The following AKAIN1 variants were observed in gnomAD, a reference collection of about 807,000 sequenced individuals.
AKAIN1 encodes the protein A-kinase anchor protein inhibitor 1.
In AKAIN1, 3 loss-of-function variants were observed where a neutral mutation model predicts 3.7. The ratio of observed to expected loss-of-function variants is 0.82; its 90% CI spans 0.37 to 2.12. AKAIN1 has a LOEUF of 2.12. Among genes scored for constraint, AKAIN1 ranks in the 30% most tolerant of loss-of-function variants. AKAIN1 has a pLI of 0.06. For missense variants in AKAIN1, 82 were observed against 82.7 expected (o/e 0.99, Z 0.03); for synonymous variants, 31 against 30.8 (o/e 1.01, Z -0.02).
chr18:5,150,027 C>T (rs1445089867), intron 1 of AKAIN1, among the ~76,000 whole-genome samples: 1 of 152,200 alleles, frequency 6.6e-6, no homozygotes, highest in Non-Finnish European at 1.5e-5. Context: ...AAGGTTTATT[C>T]TGGCCCAATT....
rs78215085 is a variant in AKAIN1, at chr18:5,179,814, C to T, written c.16+17224G>A. On this transcript the variant is annotated intron_variant, in intron 1 of 1. Transcript: ENST00000434239. ...TCAGCTCTTTAATATGCTCCTTCCT[C>T]GAGGACATCTTTATTGTTGTTTAAA... Among the ~76,000 whole-genome samples the T allele has an allele frequency of 0.012, 1,853 of 152,188 alleles. 140 individuals are homozygous for T. In the East Asian group the frequency reaches 0.19, roughly 16 times the overall value.
In AKAIN1 at chr18:5,145,371, T is replaced by A. The variant is rs2071042562; in HGVS notation, c.*191A>T. 2.0e-6 allele frequency: 1 copy of A among 490,698 alleles called. No individual in the cohort carries two copies. The highest frequency in any genetic ancestry group is 3.5e-5 in the Admixed American group (1 of 28,584). 30.4% of individuals were successfully genotyped at this position (490,698 alleles called of 1,614,324 possible). ...CCCACTATGTCTCAGAGGCACTGCA[T>A]AAATATGAACAGAATCGTCTAATGC... On this transcript the variant is annotated 3_prime_UTR_variant, in exon 2 of 2. Transcript: ENST00000434239.
intron 1 of AKAIN1, among the ~76,000 whole-genome samples, chr18:5,152,420 A>C (rs2071085203): frequency 6.6e-6 from 1 of 152,098 alleles, no homozygotes; most frequent in South Asian, 2.1e-4. Context: ...CCAATCAACT[A>C]TCTCCAAACA....
At chr18:5,188,893 C>T (rs1410110216) in intron 1 of AKAIN1, among the ~76,000 whole-genome samples, 1 of 152,154 alleles carries the variant, frequency 6.6e-6, no homozygotes, top group East Asian at 1.9e-4. Context: ...TGGGTCTCCT[C>T]TCTCTTTTGT....
chr18:5,143,998 A>G lies in AKAIN1; in HGVS notation c.*1564T>C, dbSNP rs1290235499. On this transcript the variant is annotated 3_prime_UTR_variant, in exon 2 of 2. Transcript: ENST00000434239. ...GCAATTATATCACATCAGTTATATG[A>G]CTTTTGGTCGACTTAAACTCACTCT... 6.6e-6 allele frequency among the ~76,000 whole-genome samples: 1 copy of G among 152,182 alleles called. No homozygotes were observed. The highest frequency in any genetic ancestry group is 1.5e-5 in the Non-Finnish European group (1 of 68,034).
chr18:5,197,359 G>A, upstream of AKAIN1: 1 of 1,267,242 alleles, frequency 7.9e-7, no homozygotes, highest in South Asian at 2.5e-5. The surrounding 1 kb of genome is among the most constrained non-coding windows in gnomAD (Gnocchi z 6.9). Context: ...AGGGAGCAAA[G>A]CACTTCCACC....
At chr18:5,174,572 C>T (rs1668649616) in intron 1 of AKAIN1, among the ~76,000 whole-genome samples, 1 of 152,076 alleles carries the variant, frequency 6.6e-6, no homozygotes, top group Non-Finnish European at 1.5e-5. Context: ...AAAACCCTAT[C>T]CCTACTAAAA....
intron 1 of AKAIN1, among the ~76,000 whole-genome samples, chr18:5,185,507 A>C (rs1384795341): frequency 6.6e-6 from 1 of 152,186 alleles, no homozygotes. Context: ...CAAGCAAAAA[A>C]TAAACAACCC....
chr18:5,178,450 G>A (rs1003166687), intron 1 of AKAIN1, among the ~76,000 whole-genome samples: 2 of 152,066 alleles, frequency 1.3e-5, no homozygotes, highest in African/African-American at 4.8e-5. Flanking sequence ...TGACCAGAAA[G>A]GTGTGTTCTT....
intron 1 of AKAIN1, among the ~76,000 whole-genome samples, chr18:5,162,047 A>G (rs2071142493): frequency 1.3e-5 from 2 of 152,144 alleles, no homozygotes; most frequent in African/African-American, 4.8e-5. Context: ...GGATACTGAG[A>G]AGAGAAGGAT....
At chr18:5,176,341 G>A (rs1305545743) in intron 1 of AKAIN1, among the ~76,000 whole-genome samples, 1 of 152,136 alleles carries the variant, frequency 6.6e-6, no homozygotes, top group Non-Finnish European at 1.5e-5. Context: ...TCAGGAAGCT[G>A]AGGCAGGAGA....
At chr18:5,156,428 T>C (rs366207) in intron 1 of AKAIN1, among the ~76,000 whole-genome samples, 44,262 of 152,004 alleles carry the variant, frequency 0.29, 6,986 homozygotes, top group African/African-American at 0.4. Context: ...ATTTAGTCCC[T>C]GGAGGAAGTG....
At chr18:5,154,567 C>T (rs561906913) in intron 1 of AKAIN1, among the ~76,000 whole-genome samples, 1 of 152,144 alleles carries the variant, frequency 6.6e-6, no homozygotes, top group East Asian at 1.9e-4. Context: ...TCCTAAGCCT[C>T]CCCCAACCAA....
At chr18:5,196,972 T>G (rs1238314283) in intron 1 of AKAIN1, 66 bp downstream of exon 1, 1 of 1,400,876 alleles carries the variant, frequency 7.1e-7, no homozygotes, top group South Asian at 1.2e-5. Flanking sequence ...CTTTTTTCCC[T>G]CTCCTCTCCG....
chr18:5,150,945 G>A (rs749326720), intron 1 of AKAIN1, among the ~76,000 whole-genome samples: 2 of 152,104 alleles, frequency 1.3e-5, no homozygotes, highest in Admixed American at 1.3e-4. Flanking sequence ...GGCGGGTTTT[G>A]GAAAAGGTCA....
In AKAIN1 at chr18:5,143,101, C is replaced by T. The variant is rs1598302569; in HGVS notation, c.*2461G>A. ...AGGACACTAAGTAAATGTTCCCACT[C>T]ATTTCTGAAACTAAAAGCTGTGATC... On this transcript the variant is annotated 3_prime_UTR_variant, in exon 2 of 2. Coordinates refer to ENST00000434239, the MANE Select transcript of AKAIN1 (RefSeq NM_001145194.2). Among the ~76,000 whole-genome samples, 4 of 152,302 alleles carry T rather than the reference C, an allele frequency of 2.6e-5. No homozygotes were observed. The South Asian group carries it at 8.3e-4, about 32-fold the overall frequency.
At chr18:5,188,997 C>G (rs1370414786) in intron 1 of AKAIN1, among the ~76,000 whole-genome samples, 3 of 152,160 alleles carry the variant, frequency 2.0e-5, no homozygotes, top group African/African-American at 7.2e-5. Flanking sequence ...CTTGCACTCG[C>G]AGAATTAGCT....
intron 1 of AKAIN1, among the ~76,000 whole-genome samples, chr18:5,195,048 T>C (rs556309744): frequency 2.0e-5 from 3 of 152,272 alleles, no homozygotes; most frequent in East Asian, 1.9e-4. Flanking sequence ...AAATGATCCA[T>C]AGATGAGAAG....
intron 1 of AKAIN1, among the ~76,000 whole-genome samples, chr18:5,167,777 T>C (rs888835849): frequency 6.6e-6 from 1 of 152,070 alleles, no homozygotes; most frequent in African/African-American, 2.4e-5. Flanking sequence ...TAGCCTTTTT[T>C]CATACTTTCA....
Sources: allele counts gnomAD v4.1 joint callset (sites outside exome capture counted in the v4.1 genomes callset), GRCh38; gene constraint gnomAD v4.1.1; non-coding constraint Gnocchi (gnomAD v3.1); transcripts MANE v1.5; gene names NCBI Gene and HGNC (gene_info 2026-07-23, HGNC 2026-07-21).